The following TMEM63C variants were observed in gnomAD, a reference collection of about 807,000 sequenced individuals.
TMEM63C encodes osmosensitive cation channel TMEM63C.
Under a neutral mutation model 99.2 loss-of-function variants are expected in TMEM63C, and 32 were observed. That is an observed-to-expected ratio of 0.32 (90% CI 0.24 to 0.43). The LOEUF is 0.43. Among genes scored for constraint, TMEM63C ranks in the 20% least tolerant of loss-of-function variants. The pLI is 1.00. For missense variants in TMEM63C, 826 were observed against 1,053.0 expected, an observed-to-expected ratio of 0.78 and a Z score of 2.98; for synonymous variants, 376 against 397.9, an observed-to-expected ratio of 0.94 and a Z score of 0.66.
intron 1 of TMEM63C, among the ~76,000 whole-genome samples, chr14:77,182,482 G>A (rs1315716856): frequency 6.6e-6 from 1 of 152,220 alleles, no homozygotes; most frequent in African/African-American, 2.4e-5. Context: ...GGAACGTTGT[G>A]TTTGGATGAA....
chr14:77,194,332 A>ATGTGTGTGTG (rs1363601543), intron 1 of TMEM63C, among the ~76,000 whole-genome samples: 10 of 59,350 alleles, frequency 1.7e-4, no homozygotes, highest in Non-Finnish European at 3.6e-4. Flanking sequence ...ATAGATATAT[A>ATGTGTGTGTG]TATATGTGTG....
chr14:77,211,035 G>A (rs1306340720), intron 1 of TMEM63C, among the ~76,000 whole-genome samples: 2 of 152,202 alleles, frequency 1.3e-5, no homozygotes, highest in African/African-American at 2.4e-5. Context: ...TGGGCCCTGG[G>A]CTGTGCTGGG....
chr14:77,205,509 G>C (rs1888381081), intron 1 of TMEM63C, among the ~76,000 whole-genome samples: 1 of 152,236 alleles, frequency 6.6e-6, no homozygotes, highest in African/African-American at 2.4e-5. Flanking sequence ...AGGATGGAAG[G>C]GAGGGTGAGA....
chr14:77,237,282 C>A (rs1889079220), intron 9 of TMEM63C, among the ~76,000 whole-genome samples: 2 of 152,108 alleles, frequency 1.3e-5, no homozygotes, highest in Admixed American at 1.3e-4. Flanking sequence ...CCCTGCCCAC[C>A]CCTGCTAGGC....
Position 77,249,282 on chromosome 14 carries a change from G to T in TMEM63C, c.1871-9G>T, listed in dbSNP as rs776524457. 7.4e-6 allele frequency: 12 copies of T among 1,613,414 alleles called. No homozygotes were observed. The East Asian group carries it at 2.7e-4, about 36-fold the overall frequency. On this transcript the variant is annotated splice_polypyrimidine_tract_variant and intron_variant, in intron 20 of 23. Transcript: ENST00000298351. ...GGCCACTGAGTAAGTTTCCACCTTT[G>T]TCCCCCAGGGTTGCTCTACCTGTGC...
At chr14:77,199,270 A>C (rs1888258616) in intron 1 of TMEM63C, among the ~76,000 whole-genome samples, 1 of 152,164 alleles carries the variant, frequency 6.6e-6, no homozygotes, top group Non-Finnish European at 1.5e-5. Flanking sequence ...AGATTCTAGG[A>C]TAGGAGCAAA....
chr14:77,204,350 G>T (rs191919654), intron 1 of TMEM63C, among the ~76,000 whole-genome samples: 117 of 152,304 alleles, frequency 7.7e-4, no homozygotes, highest in African/African-American at 2.7e-3. Flanking sequence ...GGCAAGGGCT[G>T]CTCAGCCCCC....
Position 77,253,376 on chromosome 14 carries a change from C to T in TMEM63C, c.2220C>T (p.Leu740=), listed in dbSNP as rs1177705062. Residue 740 remains leucine (L), a splice_region_variant and synonymous_variant, in exon 23 of 24, where the codon CTC becomes CTT. Coordinates refer to ENST00000298351, the MANE Select transcript of TMEM63C (RefSeq NM_020431.4). The part of the protein sequence containing the change: ...PSSTSSTPTS[L]LYVATVLQEP... ...GCACCTCCTCCACGCCCACCTCCCT[C>T]GTGAGTCCTGAGTCCCAGGGACAGG... 6.8e-6 allele frequency: 11 copies of T among 1,609,338 alleles called. No individual in the cohort carries two copies. In the East Asian group the frequency reaches 1.1e-4, roughly 16 times the overall value.
At chr14:77,253,184 C>A (rs1306247008) in intron 22 of TMEM63C, 121 bp from the exon 23 acceptor site, 6 of 861,160 alleles carry the variant, frequency 7.0e-6, no homozygotes, top group Non-Finnish European at 1.1e-5. Context: ...TCTGGAAAGA[C>A]AGAAGATGAG....
intron 23 of TMEM63C, among the ~76,000 whole-genome samples, chr14:77,255,923 A>G (rs1489180878): frequency 6.6e-6 from 1 of 152,218 alleles, no homozygotes; most frequent in Non-Finnish European, 1.5e-5. Context: ...CCATTCCCTA[A>G]TAACCTATTT....
chr14:77,233,143 C>G lies in TMEM63C; in HGVS notation c.494-309C>G, dbSNP rs147013779. Reference sequence around the variant, plus strand: ...GTGTTGCTAATTTCATCATTCTGCTCGTGGCTGGATGGCTGGTGCCTCCAA... The same window carrying G: ...GTGTTGCTAATTTCATCATTCTGCTGGTGGCTGGATGGCTGGTGCCTCCAA... On this transcript the variant is annotated intron_variant, in intron 7 of 23. Transcript: ENST00000298351. Among the ~76,000 whole-genome samples the G allele has an allele frequency of 2.5e-3, 384 of 152,316 alleles. 1 individual carries two copies. Among genetic ancestry groups the G allele is most frequent in the African/African-American group, 8.7e-3 (362 of 41,566 alleles).
At chr14:77,251,956 T>G in intron 22 of TMEM63C, 58 bp downstream of exon 22, 1 of 1,345,596 alleles carries the variant, frequency 7.4e-7, no homozygotes, top group Non-Finnish European at 1.1e-6. Context: ...GACACAGCTG[T>G]AGGATACTCT....
At chr14:77,214,795 G>A (rs1888552020) in intron 2 of TMEM63C, among the ~76,000 whole-genome samples, 3 of 151,876 alleles carry the variant, frequency 2.0e-5, no homozygotes, top group Non-Finnish European at 4.4e-5. Context: ...GATCACCACC[G>A]ATAGCCGGAA....
intron 1 of TMEM63C, among the ~76,000 whole-genome samples, chr14:77,196,611 G>C (rs1290483590): frequency 6.6e-6 from 1 of 152,196 alleles, no homozygotes; most frequent in African/African-American, 2.4e-5. Flanking sequence ...AATCCGGCCA[G>C]ATGTGGCTCT....
chr14:77,235,121 T>C (rs428868), intron 8 of TMEM63C, among the ~76,000 whole-genome samples: 9,803 of 152,084 alleles, frequency 0.064, 409 homozygotes, highest in Admixed American at 0.1. Flanking sequence ...TAAGTCCCAC[T>C]TGGATCTGGC....
At position 77,242,940 on chromosome 14, in the gene TMEM63C, C is replaced by T. The variant is rs1889204676; in HGVS notation, c.1225C>T (p.Arg409Cys). 2.5e-6 allele frequency: 4 copies of T among 1,613,918 alleles called. No individual in the cohort carries two copies. Among genetic ancestry groups the T allele is most frequent in the African/African-American group, 1.3e-5 (1 of 74,930 alleles). ...TGTCCGCCGCTTCTTTTGGTGGGCC[C>T]GCTTTATCGCAATCAACACCTTCCT... Reference protein sequence around the residue: ...LSVRRFFWWARFIAINTFLFF... With the variant: ...LSVRRFFWWACFIAINTFLFF... The change falls in exon 15 of 24, where the codon CGC becomes TGC. Residue 409 changes from arginine to cysteine, a missense_variant. Physicochemically the swap from Arg to Cys is radical, Grantham distance 180. Coordinates refer to ENST00000298351, the MANE Select transcript of TMEM63C (RefSeq NM_020431.4).
Position 77,244,340 on chromosome 14 carries a change from C to T in TMEM63C, c.1342-9C>T, listed in dbSNP as rs780784533. ...GTCTCTCCTGCCGTCCTCCCCTCTC[C>T]CCCTGCAGAACCCAATTGTGACCCA... On this transcript the variant is annotated splice_polypyrimidine_tract_variant and intron_variant, in intron 15 of 23. Transcript: ENST00000298351. The T allele has an allele frequency of 1.2e-6, 2 of 1,607,308 alleles. No individual in the cohort carries two copies. Among genetic ancestry groups the T allele is most frequent in the African/African-American group, 1.3e-5 (1 of 74,916 alleles).
At chr14:77,233,402 C>T in intron 7 of TMEM63C, 50 bp from the exon 8 acceptor site, 1 of 1,598,394 alleles carries the variant, frequency 6.3e-7, no homozygotes, top group Admixed American at 1.7e-5. Flanking sequence ...TCTGGCGCCC[C>T]CAGCAACTGA....
chr14:77,184,373 G>A (rs1594845733), intron 1 of TMEM63C, among the ~76,000 whole-genome samples: 1 of 152,054 alleles, frequency 6.6e-6, no homozygotes, highest in African/African-American at 2.4e-5. Context: ...CGAAAATGCA[G>A]GTGTCTAGTG....
Sources: gnomAD v4.1 joint callset for allele counts (sites outside exome capture counted in the v4.1 genomes callset) on GRCh38, gnomAD v4.1.1 for gene constraint, MANE v1.5 for transcripts, NCBI Gene and HGNC (gene_info 2026-07-23, HGNC 2026-07-21) for gene names.